TENM1: variants seen among roughly 807,000 people sequenced by gnomAD.
TENM1 encodes teneurin-1.
In TENM1, 35 loss-of-function variants were observed where a neutral mutation model predicts 174.8. The observed-to-expected ratio is 0.20, with a 90% CI of 0.15 to 0.27. The LOEUF (loss-of-function observed/expected upper bound fraction) is 0.27. TENM1 is among the 10% of genes least tolerant of loss of function. The pLI is 1.00. For synonymous variants in TENM1, 781 were observed against 798.7 expected, an observed-to-expected ratio of 0.98 and a Z score of 0.37; for missense variants, 1,633 against 2,130.1, an observed-to-expected ratio of 0.77 and a Z score of 4.59.
At chrX:125,054,645 G>C in the TENM1 span, among the ~76,000 whole-genome samples, 3 of 111,874 alleles carry the variant, frequency 2.7e-5, no homozygotes, top group Admixed American at 2.9e-4. Flanking sequence ...AAATGACAGA[G>C]AGAAGAAAAC....
the TENM1 span, among the ~76,000 whole-genome samples, chrX:125,171,991 G>T: frequency 3.6e-5 from 4 of 111,567 alleles, no homozygotes; most frequent in Admixed American, 9.5e-5. Context: ...AAAAGGCATA[G>T]TTCCTGTATT....
chrX:124,428,137 C>T (rs1349860517), intron 23 of TENM1, among the ~76,000 whole-genome samples: 1 of 111,783 alleles, frequency 8.9e-6, no homozygotes, highest in East Asian at 2.8e-4. Flanking sequence ...CTTGTGTAGC[C>T]GCCAGCTGGT....
exon 25 of TENM1, chrX:124,420,712 G>A (rs2060642170): frequency 2.5e-6 from 3 of 1,209,544 alleles, no homozygotes; most frequent in Non-Finnish European, 1.1e-6. Flanking sequence ...TCCTGCTGAT[G>A]GTACGAATTC....
intron 22 of TENM1, among the ~76,000 whole-genome samples, chrX:124,471,517 A>T (rs111213600): frequency 1.3e-3 from 20 of 15,036 alleles, no homozygotes; most frequent in African/African-American, 7.0e-3. Flanking sequence ...ATATATAGTA[A>T]TATATAATAT....
At chrX:124,669,960 G>A (rs986773629) in intron 6 of TENM1, among the ~76,000 whole-genome samples, 3 of 111,516 alleles carry the variant, frequency 2.7e-5, no homozygotes, top group African/African-American at 9.8e-5. Context: ...TAGAAGTTAA[G>A]AGACTGGACT....
chrX:124,711,866 C>T (rs1458868971), intron 4 of TENM1, among the ~76,000 whole-genome samples: 9 of 111,398 alleles, frequency 8.1e-5, no homozygotes, highest in African/African-American at 2.3e-4. Flanking sequence ...TCTTTCCATC[C>T]TCTTCCAAGC....
intron 4 of TENM1, among the ~76,000 whole-genome samples, chrX:124,731,511 T>C (rs990859537): frequency 1.8e-5 from 2 of 111,682 alleles, no homozygotes; most frequent in African/African-American, 3.3e-5. Context: ...TGTAGTGTGG[T>C]TGAAGTGTGA....
At chrX:124,765,334 C>T (rs2054517233) in intron 3 of TENM1, among the ~76,000 whole-genome samples, 1 of 111,889 alleles carries the variant, frequency 8.9e-6, no homozygotes, top group Non-Finnish European at 1.9e-5. Context: ...GTCCAACAGG[C>T]CTAATGTTGT....
At chrX:124,712,854 T>C in intron 4 of TENM1, among the ~76,000 whole-genome samples, 1 of 112,192 alleles carries the variant, frequency 8.9e-6, no homozygotes, top group East Asian at 2.8e-4. Context: ...TAGGTATTTA[T>C]TCTCATGCCT....
intron 4 of TENM1, among the ~76,000 whole-genome samples, chrX:124,706,197 C>T (rs1456733417): frequency 3.6e-5 from 4 of 112,236 alleles, no homozygotes; most frequent in Non-Finnish European, 7.5e-5. Flanking sequence ...CCGCTGTGCC[C>T]GGCCAGTTTT....
the TENM1 span, among the ~76,000 whole-genome samples, chrX:125,145,716 C>T: frequency 2.7e-5 from 3 of 111,997 alleles, no homozygotes; most frequent in Non-Finnish European, 5.6e-5. Context: ...TGGGGGAAAT[C>T]GAGCAGAAAA....
At chrX:124,461,870 T>A (rs1275391317) in intron 22 of TENM1, among the ~76,000 whole-genome samples, 1 of 111,675 alleles carries the variant, frequency 9.0e-6, no homozygotes, top group Non-Finnish European at 1.9e-5. Context: ...AAGAGAATAA[T>A]TTGAATGTTT....
chrX:124,433,508 T>C (rs1391540900), intron 23 of TENM1, among the ~76,000 whole-genome samples: 1 of 111,827 alleles, frequency 8.9e-6, no homozygotes, highest in Admixed American at 9.5e-5. Flanking sequence ...TATTCTAAAA[T>C]ACTTGTTTGT....
intron 3 of TENM1, among the ~76,000 whole-genome samples, chrX:124,800,030 CCATGTT>C (rs2055406403): frequency 8.9e-6 from 1 of 111,858 alleles, no homozygotes; most frequent in Non-Finnish European, 1.9e-5. Flanking sequence ...TTTTTTGCAT[CCATGTT>C]CATCAGTGAT....
the TENM1 span, among the ~76,000 whole-genome samples, chrX:125,088,309 A>T: frequency 9.0e-6 from 1 of 111,366 alleles, no homozygotes; most frequent in African/African-American, 3.3e-5. Flanking sequence ...TAGCCTAAGG[A>T]TACGTAACAA....
intron 15 of TENM1, among the ~76,000 whole-genome samples, chrX:124,541,775 A>C (rs1057042602): frequency 8.9e-6 from 1 of 112,015 alleles, no homozygotes; most frequent in African/African-American, 3.2e-5. Flanking sequence ...GTGGCCAAAA[A>C]TTATTTGATA....
intron 10 of TENM1, among the ~76,000 whole-genome samples, chrX:124,642,615 C>T (rs770767015): frequency 1.4e-4 from 16 of 111,793 alleles, no homozygotes; most frequent in African/African-American, 4.2e-4. Context: ...TATGAGAACA[C>T]GGTGACATAG....
chrX:124,697,155 G>A (rs2052670287), intron 5 of TENM1, among the ~76,000 whole-genome samples: 1 of 111,383 alleles, frequency 9.0e-6, no homozygotes, highest in Admixed American at 9.6e-5. Flanking sequence ...AAACATTTGT[G>A]AGGCCCTTCC....
At chrX:124,682,312 C>T (rs988768986) in intron 5 of TENM1, among the ~76,000 whole-genome samples, 3 of 111,424 alleles carry the variant, frequency 2.7e-5, no homozygotes, top group African/African-American at 9.8e-5. Context: ...TAGTAGAGTA[C>T]ACTTTTTATA....
Sources: gnomAD v4.1 joint callset for allele counts (sites outside exome capture counted in the v4.1 genomes callset) on GRCh38, gnomAD v4.1.1 for gene constraint, MANE v1.5 for transcripts, NCBI Gene and HGNC (gene_info 2026-07-23, HGNC 2026-07-21) for gene names.